PHF14: variants seen among roughly 807,000 people sequenced by gnomAD.
PHF14 encodes PHD finger protein 14.
Under a neutral mutation model 117.9 loss-of-function variants are expected in PHF14, and 55 were observed. The observed-to-expected ratio is 0.47, with a 90% CI of 0.38 to 0.58. The LOEUF is 0.58. PHF14 is among the 20% of genes least tolerant of loss of function. The pLI is 0.00. For synonymous variants in PHF14, 409 were observed against 368.6 expected, an observed-to-expected ratio of 1.11 and a Z score of -1.26; for missense variants, 978 against 1,122.2, an observed-to-expected ratio of 0.87 and a Z score of 1.84.
chr7:11,038,460 C>G lies in PHF14; in HGVS notation c.1981-300C>G, dbSNP rs371024741. 3.3e-4 allele frequency among the ~76,000 whole-genome samples: 49 copies of G among 149,546 alleles called. 3 individuals are homozygous for G. The highest frequency in any genetic ancestry group is 1.2e-3 in the African/African-American group (48 of 40,606). ...AAAAAAAAAAAAAAATAGATCGAGA[C>G]CATCCTGGCCAACATGGTGAAACCC... On this transcript the variant is annotated intron_variant, in intron 10 of 17. Transcript: ENST00000634607.
intron 3 of PHF14, among the ~76,000 whole-genome samples, chr7:10,986,911 A>G (rs369493765): frequency 2.6e-5 from 4 of 152,236 alleles, no homozygotes; most frequent in South Asian, 2.1e-4. Flanking sequence ...GAAAATATTT[A>G]AAATTAGAGA....
chr7:11,069,423 GTA>G (rs1477592712), intron 16 of PHF14, among the ~76,000 whole-genome samples: 1 of 152,122 alleles, frequency 6.6e-6, no homozygotes, highest in Non-Finnish European at 1.5e-5. Flanking sequence ...TAAGGCACAG[GTA>G]TTTGAACAGT....
At chr7:10,990,240 T>G (rs1304959246) in intron 3 of PHF14, among the ~76,000 whole-genome samples, 1 of 152,192 alleles carries the variant, frequency 6.6e-6, no homozygotes, top group Non-Finnish European at 1.5e-5. Flanking sequence ...TTTTCCTATT[T>G]TGTATATGTG....
At chr7:10,993,763 C>G (rs1350359635) in intron 4 of PHF14, among the ~76,000 whole-genome samples, 1 of 152,156 alleles carries the variant, frequency 6.6e-6, no homozygotes, top group African/African-American at 2.4e-5. Context: ...AATCCCAGCA[C>G]TTTGGGAGGC....
chr7:10,986,756 C>T (rs776891432), intron 3 of PHF14, among the ~76,000 whole-genome samples: 6 of 151,974 alleles, frequency 3.9e-5, no homozygotes, highest in South Asian at 2.1e-4. Flanking sequence ...TTTTTGGGGA[C>T]GGCAGTGTAC....
At chr7:11,011,070 A>C (rs1399890592) in intron 4 of PHF14, among the ~76,000 whole-genome samples, 1 of 152,210 alleles carries the variant, frequency 6.6e-6, no homozygotes, top group African/African-American at 2.4e-5. Context: ...CCAACTTTTT[A>C]GTTTTTTGCT....
rs1788506396 is a variant in PHF14, at chr7:11,145,051, ATATT to A, written c.2773-24362_2773-24359del. Among the ~76,000 whole-genome samples the A allele has an allele frequency of 4.6e-5, 7 of 152,116 alleles. No individual in the cohort carries two copies. In the South Asian group the frequency reaches 1.5e-3, roughly 32 times the overall value. Reference sequence around the variant, plus strand: ...TGGTGATGGTTTCACAACAATATAAATATTTAATACCTCTGAACTGTATACTTAA... The same window carrying A: ...TGGTGATGGTTTCACAACAATATAAATAATACCTCTGAACTGTATACTTAA... On this transcript the variant is annotated intron_variant, in intron 17 of 17. Coordinates refer to ENST00000634607, the MANE Select transcript of PHF14 (RefSeq NM_001007157.2).
At chr7:11,025,637 T>A (rs921189960) in intron 6 of PHF14, among the ~76,000 whole-genome samples, 27 of 151,110 alleles carry the variant, frequency 1.8e-4, no homozygotes, top group African/African-American at 5.9e-4. Context: ...CCTAAAAAAA[T>A]ACAAAAAATT....
chr7:10,985,636 C>CCGGTTTTTTTTTTTTTTTTTTTTTTTTTT (rs750860479), intron 3 of PHF14, among the ~76,000 whole-genome samples: 5 of 90,864 alleles, frequency 5.5e-5, no homozygotes, highest in African/African-American at 1.4e-4. Context: ...GATTCTCAAA[C>CCGGTTTTTTTTTTTTTTTTTTTTTTTTTT]TGTTTTTTTT....
chr7:11,165,746 A>G (rs1409349612), intron 17 of PHF14, among the ~76,000 whole-genome samples: 1 of 152,224 alleles, frequency 6.6e-6, no homozygotes, highest in Non-Finnish European at 1.5e-5. Context: ...ATGAGAACTA[A>G]ATCACATTTA....
chr7:11,016,673 ATG>A (rs1439962689), intron 5 of PHF14, among the ~76,000 whole-genome samples: 2 of 152,160 alleles, frequency 1.3e-5, no homozygotes, highest in Admixed American at 6.5e-5. Flanking sequence ...CAGGCATGCA[ATG>A]TGAAATAAGC....
chr7:10,987,601 C>G (rs919190203), intron 3 of PHF14, among the ~76,000 whole-genome samples: 1 of 151,770 alleles, frequency 6.6e-6, no homozygotes, highest in African/African-American at 2.4e-5. Flanking sequence ...ACATTGGATT[C>G]CATTAAATTA....
Position 11,037,586 on chromosome 7 carries a change from A to G in PHF14, c.1980+495A>G, listed in dbSNP as rs117695550. On this transcript the variant is annotated intron_variant, in intron 10 of 17. Coordinates refer to ENST00000634607, the MANE Select transcript of PHF14 (RefSeq NM_001007157.2). ...TATTATTTATCTTGAATTATATTAT[A>G]ATGTTTGGAATAAAAATTTCCAAAT... 1.9e-3 allele frequency among the ~76,000 whole-genome samples: 285 copies of G among 152,278 alleles called. 2 individuals are homozygous for G. Among genetic ancestry groups the G allele is most frequent in the Non-Finnish European group, 3.6e-3 (244 of 68,020 alleles).
chr7:11,122,412 C>A (rs904195929), intron 17 of PHF14, among the ~76,000 whole-genome samples: 3 of 119,576 alleles, frequency 2.5e-5, no homozygotes, highest in Admixed American at 1.8e-4. Context: ...TATATATACA[C>A]GTATATATAT....
rs540767903 is a variant in PHF14, at chr7:11,117,140, A to G, written c.2772+5673A>G. On this transcript the variant is annotated intron_variant, in intron 17 of 17. Transcript: ENST00000634607. ...CAGGTCATATGTATTCACAGACGCC[A>G]CTGAGGATTTAAATATCCATCATGT... is the stretch of plus-strand genomic sequence containing the variant. Among the ~76,000 whole-genome samples the G allele has an allele frequency of 9.2e-5, 14 of 152,086 alleles. 1 individual carries two copies. The South Asian group carries it at 2.7e-3, about 29-fold the overall frequency.
At chr7:11,007,776 T>G (rs1783177939) in intron 4 of PHF14, among the ~76,000 whole-genome samples, 1 of 152,224 alleles carries the variant, frequency 6.6e-6, no homozygotes, top group South Asian at 2.1e-4. Flanking sequence ...TTGCATTTCT[T>G]TTATCTCCTT....
rs568341724 is a variant in PHF14 at position 11,020,806 on chromosome 7, C to T, written c.1206-2062C>T. 2.0e-5 allele frequency among the ~76,000 whole-genome samples: 3 copies of T among 152,240 alleles called. No individual in the cohort carries two copies. The East Asian group carries it at 5.8e-4, about 29-fold the overall frequency. ...CAATTCTTCATATGTAAATGAACAA[C>T]CTCCTACTCAACAGAAGCTTTTAGG... On this transcript the variant is annotated intron_variant, in intron 5 of 17. Transcript: ENST00000634607.
chr7:11,045,663 G>A lies in PHF14; in HGVS notation c.2312+2849G>A, dbSNP rs147091128. Among the ~76,000 whole-genome samples, 295 of 152,282 alleles carry A rather than the reference G, an allele frequency of 1.9e-3. 1 individual carries two copies. Among genetic ancestry groups the A allele is most frequent in the African/African-American group, 6.6e-3 (274 of 41,556 alleles). On this transcript the variant is annotated intron_variant, in intron 13 of 17. Coordinates refer to ENST00000634607, the MANE Select transcript of PHF14 (RefSeq NM_001007157.2). ...AGTCCATCCCAGAGTTCTGTGGACT[G>A]TGCTGGGCAGGTTAAGACATGTGAC...
intron 16 of PHF14, among the ~76,000 whole-genome samples, chr7:11,081,813 G>A (rs1053273796): frequency 4.0e-5 from 6 of 150,466 alleles, no homozygotes; most frequent in African/African-American, 1.2e-4. Flanking sequence ...CTGAGATCGC[G>A]CCACCACACT....
Sources: gnomAD v4.1 joint callset for allele counts (sites outside exome capture counted in the v4.1 genomes callset) on GRCh38, gnomAD v4.1.1 for gene constraint, MANE v1.5 for transcripts, NCBI Gene and HGNC (gene_info 2026-07-23, HGNC 2026-07-21) for gene names.